LRRC7: variants seen among roughly 807,000 people sequenced by gnomAD.
The protein encoded by LRRC7 is leucine-rich repeat-containing protein 7.
Under a neutral mutation model 175.7 loss-of-function variants are expected in LRRC7, and 23 were observed. The observed-to-expected ratio is 0.13, with a 90% confidence interval of 0.09 to 0.19. The LOEUF (loss-of-function observed/expected upper bound fraction) is 0.19. Ranked by LOEUF, LRRC7 falls within the 10% of genes least tolerant of loss-of-function variation. The probability of loss-of-function intolerance (pLI) is 1.00; values close to 1 mark genes in which losing one functional copy is unlikely to be tolerated. For synonymous variants in LRRC7, 685 were observed against 680.9 expected, an observed-to-expected ratio of 1.01 and a Z score of -0.09; for missense variants, 1,354 against 1,904.7, an observed-to-expected ratio of 0.71 and a Z score of 5.38.
intron 7 of LRRC7, among the ~76,000 whole-genome samples, chr1:69,885,828 G>C (rs1481404851): frequency 7.1e-6 from 1 of 141,102 alleles, no homozygotes; most frequent in African/African-American, 2.7e-5. Flanking sequence ...CTTTGTTCTC[G>C]TTAGTTTCAA....
chr1:70,003,582 A>G (rs967773538), intron 11 of LRRC7, among the ~76,000 whole-genome samples: 1 of 152,214 alleles, frequency 6.6e-6, no homozygotes, highest in Non-Finnish European at 1.5e-5. Context: ...AAGTACAAAG[A>G]AATGATCAAA....
intron 7 of LRRC7, among the ~76,000 whole-genome samples, chr1:69,845,999 G>A (rs1682318253): frequency 6.6e-6 from 1 of 151,998 alleles, no homozygotes; most frequent in South Asian, 2.1e-4. Flanking sequence ...CTAACCAAGG[G>A]AAACCACATT....
intron 1 of LRRC7, among the ~76,000 whole-genome samples, chr1:69,591,637 A>T (rs975783817): frequency 6.6e-6 from 1 of 152,042 alleles, no homozygotes; most frequent in African/African-American, 2.4e-5. Flanking sequence ...TATCACCAAG[A>T]TAAATATTTT....
intron 2 of LRRC7, among the ~76,000 whole-genome samples, chr1:69,749,112 T>TATAA (rs1279731091): frequency 1.3e-5 from 2 of 152,164 alleles, no homozygotes; most frequent in Admixed American, 6.6e-5. Flanking sequence ...CTACTGTCCT[T>TATAA]ACATGTATAT....
At chr1:69,867,361 G>A (rs553691765) in intron 7 of LRRC7, among the ~76,000 whole-genome samples, 19 of 152,214 alleles carry the variant, frequency 1.2e-4, no homozygotes, top group Non-Finnish European at 2.2e-4. Flanking sequence ...AGGCTGATTC[G>A]CTCAGGTGTT....
At chr1:69,602,266 A>G (rs1329440155) in intron 1 of LRRC7, among the ~76,000 whole-genome samples, 1 of 152,126 alleles carries the variant, frequency 6.6e-6, no homozygotes, top group Non-Finnish European at 1.5e-5. Context: ...TTACACTTCC[A>G]TAGTCAACCG....
At chr1:69,695,891 G>A (rs1662519131) in intron 2 of LRRC7, among the ~76,000 whole-genome samples, 1 of 152,234 alleles carries the variant, frequency 6.6e-6, no homozygotes, top group African/African-American at 2.4e-5. Context: ...CTAGATTTCA[G>A]AGGATGTGTG....
chr1:69,641,514 T>C (rs886849373), intron 1 of LRRC7, among the ~76,000 whole-genome samples: 10 of 151,618 alleles, frequency 6.6e-5, no homozygotes, highest in African/African-American at 1.7e-4. Context: ...AAATTTATCA[T>C]ATTAATAACC....
At chr1:69,709,104 T>C (rs542689822) in intron 2 of LRRC7, among the ~76,000 whole-genome samples, 1 of 152,378 alleles carries the variant, frequency 6.6e-6, no homozygotes, top group Non-Finnish European at 1.5e-5. Flanking sequence ...TTGATTAGTG[T>C]CTGTCTTGCT....
chr1:69,592,698 C>T (rs750036587), intron 1 of LRRC7, among the ~76,000 whole-genome samples: 7 of 151,956 alleles, frequency 4.6e-5, no homozygotes, highest in South Asian at 2.1e-4. Context: ...TTATATTTAG[C>T]GATAACAGCT....
chr1:69,897,981 A>G (rs544002283), intron 7 of LRRC7, among the ~76,000 whole-genome samples: 18 of 152,312 alleles, frequency 1.2e-4, no homozygotes, highest in Admixed American at 8.5e-4. Flanking sequence ...AGCGGGCACA[A>G]TGGAAGACAT....
intron 2 of LRRC7, among the ~76,000 whole-genome samples, chr1:69,687,011 A>C (rs535385143): frequency 4.6e-5 from 7 of 152,314 alleles, no homozygotes; most frequent in South Asian, 2.1e-4. Context: ...GGGATAAAAA[A>C]GGTCAGTTCA....
chr1:69,894,087 T>C (rs1255675515), intron 7 of LRRC7, among the ~76,000 whole-genome samples: 2 of 152,202 alleles, frequency 1.3e-5, no homozygotes, highest in African/African-American at 4.8e-5. Flanking sequence ...CATTGATTTT[T>C]CAAGAAATAG....
intron 4 of LRRC7, among the ~76,000 whole-genome samples, chr1:69,793,074 GTTAT>G (rs1675307955): frequency 6.6e-6 from 1 of 152,040 alleles, no homozygotes; most frequent in Non-Finnish European, 1.5e-5. Flanking sequence ...TAGTGCTTTG[GTTAT>G]TTATTTGGTT....
chr1:69,939,013 ATC>A (rs5775000), intron 8 of LRRC7, among the ~76,000 whole-genome samples: 48,126 of 123,372 alleles, frequency 0.39, 11,531 homozygotes, highest in East Asian at 0.5. Context: ...ATATATATAT[ATC>A]TATATATATA....
intron 11 of LRRC7, among the ~76,000 whole-genome samples, chr1:70,008,535 C>A (rs1449324970): frequency 1.3e-5 from 2 of 152,130 alleles, no homozygotes; most frequent in African/African-American, 4.8e-5. Context: ...AAAGAAACTG[C>A]ATGATCACCA....
intron 1 of LRRC7, among the ~76,000 whole-genome samples, chr1:69,653,070 G>A (rs530088988): frequency 4.1e-4 from 62 of 152,080 alleles, no homozygotes; most frequent in African/African-American, 1.2e-3. Context: ...CAAAAACAGG[G>A]TCAACAAAAG....
chr1:70,114,117 G>C (rs573039148), intron 26 of LRRC7, among the ~76,000 whole-genome samples: 101 of 151,960 alleles, frequency 6.6e-4, no homozygotes, highest in South Asian at 1.7e-3. Flanking sequence ...TGAAGTGTTG[G>C]ACCCTTAAAA....
intron 23 of LRRC7, among the ~76,000 whole-genome samples, chr1:70,073,293 A>C (rs1662526015): frequency 6.6e-6 from 1 of 152,114 alleles, no homozygotes; most frequent in East Asian, 1.9e-4. Context: ...AAAGAGTTCA[A>C]AATCAGCATA....
Sources: allele counts gnomAD v4.1 joint callset (sites outside exome capture counted in the v4.1 genomes callset), GRCh38; gene constraint gnomAD v4.1.1; transcripts MANE v1.5; gene names NCBI Gene and HGNC (gene_info 2026-07-23, HGNC 2026-07-21).